MYO5A: variants seen among roughly 807,000 people sequenced by gnomAD.
MYO5A encodes unconventional myosin-Va.
Under a neutral mutation model 249.7 loss-of-function variants are expected in MYO5A, and 98 were observed. That is an observed-to-expected ratio of 0.39 (90% CI 0.33 to 0.46). MYO5A has a LOEUF of 0.46. Among genes scored for constraint, MYO5A ranks in the 20% least tolerant of loss-of-function variants. MYO5A has a pLI of 0.98. For synonymous variants in MYO5A, 778 were observed against 810.6 expected, an observed-to-expected ratio of 0.96 and a Z score of 0.68; for missense variants, 1,696 against 2,308.8, an observed-to-expected ratio of 0.73 and a Z score of 5.44.
chr15:52,468,387 A>G (rs1270745329), intron 1 of MYO5A, among the ~76,000 whole-genome samples: 2 of 151,994 alleles, frequency 1.3e-5, no homozygotes, highest in Non-Finnish European at 2.9e-5. Context: ...GCCAGGTACA[A>G]TGGCTAATAT....
chr15:52,350,229 G>A (rs2039873474), intron 28 of MYO5A, among the ~76,000 whole-genome samples: 1 of 152,150 alleles, frequency 6.6e-6, no homozygotes, highest in African/African-American at 2.4e-5. Flanking sequence ...ACCACACCTG[G>A]CCTGTGATTT....
At chr15:52,492,140 T>A (rs2076947493) in intron 1 of MYO5A, among the ~76,000 whole-genome samples, 1 of 152,178 alleles carries the variant, frequency 6.6e-6, no homozygotes, top group African/African-American at 2.4e-5. Context: ...ATATATAGAT[T>A]TTTTTAAGTG....
At chr15:52,333,514 C>T (rs554624763) in intron 34 of MYO5A, among the ~76,000 whole-genome samples, 83 of 152,260 alleles carry the variant, frequency 5.5e-4, no homozygotes, top group African/African-American at 1.8e-3. Flanking sequence ...GGGTCACTTA[C>T]AGGCCTTAGT....
rs1239673563 is a variant in MYO5A, at chr15:52,351,286, G to A, written c.3817C>T (p.Leu1273=). The A allele has an allele frequency of 6.2e-7, 1 of 1,614,060 alleles. No homozygotes were observed. Among genetic ancestry groups the A allele is most frequent in the Non-Finnish European group, 8.5e-7 (1 of 1,180,038 alleles). Residue 1273 remains leucine, a synonymous_variant, in exon 28 of 42, where the codon CTG becomes TTG. Coordinates refer to ENST00000399233, the MANE Select transcript of MYO5A (RefSeq NM_001382347.1). The part of the protein sequence containing the change: ...KEEVLILRSQ[L]VSQKEAIQPK... ...TGGATGGCCTCTTTCTGGCTCACCA[G>A]TTGAGACCTTAAGATGAGGACTTCC...
At chr15:52,384,413 T>A in intron 14 of MYO5A, 91 bp from the exon 15 acceptor site, 1 of 1,295,878 alleles carries the variant, frequency 7.7e-7, no homozygotes, top group Non-Finnish European at 1.1e-6. Context: ...TTCCCTTCCT[T>A]AAGTAATCAC....
chr15:52,378,411 C>G (rs935366750), intron 18 of MYO5A, among the ~76,000 whole-genome samples: 2 of 149,580 alleles, frequency 1.3e-5, no homozygotes, highest in African/African-American at 4.9e-5. Context: ...ATCCCAGCTA[C>G]TGGGGGGGCT....
At chr15:52,499,671 T>G (rs1426404628) in intron 1 of MYO5A, among the ~76,000 whole-genome samples, 1 of 152,240 alleles carries the variant, frequency 6.6e-6, no homozygotes, top group Admixed American at 6.5e-5. Context: ...ATTTCCTTCC[T>G]TTTTGAGGCT....
At chr15:52,327,406 G>A (rs1316731736) in intron 36 of MYO5A, among the ~76,000 whole-genome samples, 1 of 152,160 alleles carries the variant, frequency 6.6e-6, no homozygotes, top group African/African-American at 2.4e-5. Flanking sequence ...TCCAGTGGAA[G>A]TTTTCACTCA....
intron 2 of MYO5A, among the ~76,000 whole-genome samples, chr15:52,432,944 C>A (rs2075573701): frequency 6.6e-6 from 1 of 152,172 alleles, no homozygotes; most frequent in African/African-American, 2.4e-5. Context: ...ATAATAAATT[C>A]ACAGGCCAAA....
chr15:52,425,772 A>G, intron 4 of MYO5A, 58 bp downstream of exon 4: 3 of 1,583,142 alleles, frequency 1.9e-6, no homozygotes, highest in Non-Finnish European at 2.6e-6. Context: ...TGACTTAGCA[A>G]GAAGAAATTA....
At chr15:52,473,318 CA>C (rs2076517437) in intron 1 of MYO5A, among the ~76,000 whole-genome samples, 1 of 152,148 alleles carries the variant, frequency 6.6e-6, no homozygotes, top group Non-Finnish European at 1.5e-5. Flanking sequence ...GGACAGGTTG[CA>C]AAAATTTTCT....
chr15:52,386,488 T>C (rs1475795239), intron 14 of MYO5A, among the ~76,000 whole-genome samples: 1 of 152,102 alleles, frequency 6.6e-6, no homozygotes, highest in Non-Finnish European at 1.5e-5. Context: ...GTGGGAATTT[T>C]CTCTTACATA....
chr15:52,343,233 A>C, intron 30 of MYO5A, 36 bp from the exon 31 acceptor site: 2 of 1,534,224 alleles, frequency 1.3e-6, no homozygotes, highest in Non-Finnish European at 1.8e-6. Context: ...CAAAACACAA[A>C]AGGATACAGG....
chr15:52,521,880 G>A (rs2077629558), intron 1 of MYO5A, among the ~76,000 whole-genome samples: 1 of 152,160 alleles, frequency 6.6e-6, no homozygotes, highest in Non-Finnish European at 1.5e-5. Flanking sequence ...AAGAGGAACC[G>A]TTAAAGGGCA....
chr15:52,400,240 T>C (rs2042689965), intron 9 of MYO5A, among the ~76,000 whole-genome samples: 1 of 152,244 alleles, frequency 6.6e-6, no homozygotes, highest in Admixed American at 6.5e-5. Flanking sequence ...ATAATTAACA[T>C]AATGTAATTA....
intron 1 of MYO5A, among the ~76,000 whole-genome samples, chr15:52,502,454 A>G (rs1385903223): frequency 6.6e-6 from 1 of 152,234 alleles, no homozygotes; most frequent in African/African-American, 2.4e-5. Context: ...TGTACATAAG[A>G]TCTAAATATT....
intron 1 of MYO5A, among the ~76,000 whole-genome samples, chr15:52,513,585 C>A (rs555288994): frequency 8.5e-4 from 129 of 151,534 alleles, no homozygotes; most frequent in African/African-American, 2.9e-3. Context: ...CCACCACGTC[C>A]AGCTAATTTT....
intron 1 of MYO5A, among the ~76,000 whole-genome samples, chr15:52,486,510 T>C (rs1017647305): frequency 4.6e-5 from 7 of 152,264 alleles, no homozygotes; most frequent in Admixed American, 3.9e-4. Context: ...TTTAAATGAG[T>C]AGTTTTATTT....
intron 29 of MYO5A, among the ~76,000 whole-genome samples, chr15:52,348,414 T>G (rs2039759400): frequency 6.6e-6 from 1 of 152,296 alleles, no homozygotes; most frequent in Middle Eastern, 3.4e-3. Context: ...CAAAGAACAG[T>G]GTGCTCAGCT....
Sources: allele counts gnomAD v4.1 joint callset (sites outside exome capture counted in the v4.1 genomes callset), GRCh38; gene constraint gnomAD v4.1.1; transcripts MANE v1.5; gene names NCBI Gene and HGNC (gene_info 2026-07-23, HGNC 2026-07-21).